The following RHOBTB2 variants were observed in gnomAD, a reference collection of about 807,000 sequenced individuals.
The protein encoded by RHOBTB2 is Rho related BTB domain containing 2, also known as rho-related BTB domain-containing protein 2.
A neutral mutation model predicts 66.5 loss-of-function variants in RHOBTB2; 39 were observed. That is an observed-to-expected ratio of 0.59 (90% CI 0.45 to 0.77). RHOBTB2 has a LOEUF of 0.77. RHOBTB2 is among the 30% of genes least tolerant of loss of function. The pLI, the probability that RHOBTB2 is intolerant of heterozygous loss-of-function variation, is 0.00. For missense variants in RHOBTB2, 755 were observed against 999.1 expected, an observed-to-expected ratio of 0.76 and a Z score of 3.29; for synonymous variants, 390 against 395.0, an observed-to-expected ratio of 0.99 and a Z score of 0.15.
chr8:22,983,318 C>A (rs1286464072), upstream of RHOBTB2, among the ~76,000 whole-genome samples: 14 of 146,660 alleles, frequency 9.5e-5, no homozygotes, highest in African/African-American at 3.0e-4. Flanking sequence ...CAGTGAAAGA[C>A]AGTTCAAACC....
At position 23,014,717 on chromosome 8, in the gene RHOBTB2, A is replaced by G; in HGVS notation, c.1799A>G (p.Glu600Gly). ...CAGTACACAGTGACCGGGCTGATGG[A>G]AGCGACCCAGATGATGGTGGACATC... Reference protein sequence around the residue: ...TEQYTVTGLMEATQMMVDIDG... With the variant: ...TEQYTVTGLMGATQMMVDIDG... Residue 600 changes from glutamate to glycine, a missense_variant, in exon 8 of 10, where the codon GAA becomes GGA. By Grantham distance (98) the Glu-to-Gly change is moderately conservative. Around this residue, in one of 7 missense-constraint regions of RHOBTB2, gnomAD observed 353 missense variants for 458.2 expected, o/e 0.77. Coordinates refer to ENST00000251822, the MANE Select transcript of RHOBTB2 (RefSeq NM_015178.3). 1 of 1,614,128 alleles carries G rather than the reference A, an allele frequency of 6.2e-7. No homozygotes were observed. Among genetic ancestry groups the G allele is most frequent in the Middle Eastern group, 1.6e-4 (1 of 6,062 alleles).
rs1272785529 is a variant in RHOBTB2 at position 23,014,101 on chromosome 8, C to A, written c.1772-589C>A. ...ACTGGGATGACTGTTGTTTCTAGGTCTTTTCTGGGGGCAGAGCTGGGAAAT... is the reference window on the plus strand; with the variant it reads ...ACTGGGATGACTGTTGTTTCTAGGTATTTTCTGGGGGCAGAGCTGGGAAAT... On this transcript the variant is annotated intron_variant, in intron 7 of 9. Coordinates refer to ENST00000251822, the MANE Select transcript of RHOBTB2 (RefSeq NM_015178.3). 2.6e-5 allele frequency among the ~76,000 whole-genome samples: 4 copies of A among 152,132 alleles called. No homozygotes were observed. The East Asian group carries it at 7.7e-4, about 29-fold the overall frequency.
chr8:23,015,571 G>A (rs913125067), intron 8 of RHOBTB2, 67 bp from the exon 9 acceptor site: 4 of 1,099,450 alleles, frequency 3.6e-6, no homozygotes, highest in Middle Eastern at 2.0e-4. Flanking sequence ...GAAGGCAGCT[G>A]GAGGTGTCTA....
the RHOBTB2 span, among the ~76,000 whole-genome samples, chr8:22,978,508 CA>C: frequency 7.0e-6 from 1 of 142,760 alleles, no homozygotes; most frequent in Non-Finnish European, 1.5e-5. Context: ...AACAAAAAAA[CA>C]AAAAAAACCC....
At chr8:22,956,543 G>A in the RHOBTB2 span, among the ~76,000 whole-genome samples, 1 of 152,068 alleles carries the variant, frequency 6.6e-6, no homozygotes, top group Non-Finnish European at 1.5e-5. Context: ...AGTCTCCAGA[G>A]GCCTCCCCAG....
At chr8:23,005,314 C>A in intron 2 of RHOBTB2, 58 bp from the exon 3 acceptor site, 1 of 1,290,152 alleles carries the variant, frequency 7.8e-7, no homozygotes, top group Non-Finnish European at 1.1e-6. Context: ...CCTGAGGTGG[C>A]ACGCAGAGGT....
At chr8:22,973,415 A>C in the RHOBTB2 span, among the ~76,000 whole-genome samples, 1 of 151,934 alleles carries the variant, frequency 6.6e-6, no homozygotes. Flanking sequence ...TTTTGTGTAG[A>C]GATGGGGTCT....
chr8:23,017,014 A>C lies in RHOBTB2; in HGVS notation c.1967-238A>C, dbSNP rs1250360283. ...CCCAACGCACAGGAAGCCCTTGTCT[A>C]GATCGCCCGTCTTTGGAAAGGAACC... On this transcript the variant is annotated intron_variant, in intron 9 of 9. Transcript: ENST00000251822. The surrounding 1 kb of genome is among the most constrained non-coding windows in gnomAD (Gnocchi z 5.3). Among the ~76,000 whole-genome samples the C allele has an allele frequency of 1.3e-5, 2 of 152,114 alleles. No individual in the cohort carries two copies. The highest frequency in any genetic ancestry group is 2.9e-5 in the Non-Finnish European group (2 of 68,030).
chr8:22,981,989 C>A, the RHOBTB2 span, among the ~76,000 whole-genome samples: 2 of 152,308 alleles, frequency 1.3e-5, no homozygotes, highest in South Asian at 4.1e-4. Flanking sequence ...ATCTTAAGGC[C>A]CTCAATGTAT....
the RHOBTB2 span, among the ~76,000 whole-genome samples, chr8:22,978,350 G>A: frequency 2.6e-5 from 4 of 151,838 alleles, no homozygotes; most frequent in Non-Finnish European, 5.9e-5. Context: ...AGCCAGGCGT[G>A]TTGGCGGGTG....
the RHOBTB2 span, among the ~76,000 whole-genome samples, chr8:22,971,625 C>A: frequency 6.6e-6 from 1 of 152,200 alleles, no homozygotes; most frequent in Non-Finnish European, 1.5e-5. Context: ...GAAGGACATG[C>A]TGCACTGCCC....
upstream of RHOBTB2, among the ~76,000 whole-genome samples, chr8:22,996,383 C>T (rs1455603176): frequency 6.6e-6 from 1 of 152,136 alleles, no homozygotes; most frequent in Non-Finnish European, 1.5e-5. Context: ...GCCAGACCCA[C>T]CAGCAGAAGC....
At chr8:22,963,781 T>C in the RHOBTB2 span, among the ~76,000 whole-genome samples, 3 of 151,372 alleles carry the variant, frequency 2.0e-5, no homozygotes, top group South Asian at 4.2e-4. Context: ...TTATTTATAT[T>C]ATTATTATTA....
rs770893421 is a variant in RHOBTB2 at position 23,010,708 on chromosome 8, G to A, written c.1771+20G>A. 91 of 1,612,664 alleles carry A rather than the reference G, an allele frequency of 5.6e-5. No individual in the cohort carries two copies. The highest frequency in any genetic ancestry group is 1.7e-4 in the Middle Eastern group (1 of 6,040). On this transcript the variant is annotated intron_variant, in intron 7 of 9. Coordinates refer to ENST00000251822, the MANE Select transcript of RHOBTB2 (RefSeq NM_015178.3). The stretch of plus-strand genomic sequence containing the variant: ...TCACAGGTAACTAAGCAGTGCACTC[G>A]GGGACCTCCCCGCGGCAGAGGCCAG...
intron 9 of RHOBTB2, among the ~76,000 whole-genome samples, chr8:23,016,783 G>A (rs1407583977): frequency 1.3e-5 from 2 of 152,130 alleles, no homozygotes; most frequent in African/African-American, 4.8e-5. Flanking sequence ...TGAAACAGTA[G>A]TCTTCCATGG....
Position 23,004,411 on chromosome 8 carries a change from C to T in RHOBTB2, c.-10-14C>T. On this transcript the variant is annotated splice_polypyrimidine_tract_variant and intron_variant, in intron 1 of 9. Coordinates refer to ENST00000251822, the MANE Select transcript of RHOBTB2 (RefSeq NM_015178.3). The surrounding 1 kb of genome is among the most constrained non-coding windows in gnomAD (Gnocchi z 6.4). ...ATGCCATGCCGTCCTGACCGCCTCCCTCCTCTCCCTCAGGTCCCGTTTAAT... is the reference window on the plus strand; with the variant it reads ...ATGCCATGCCGTCCTGACCGCCTCCTTCCTCTCCCTCAGGTCCCGTTTAAT... 6.2e-7 allele frequency: 1 copy of T among 1,612,650 alleles called. No homozygotes were observed.
At chr8:22,954,117 A>G in the RHOBTB2 span, among the ~76,000 whole-genome samples, 1 of 152,254 alleles carries the variant, frequency 6.6e-6, no homozygotes. Flanking sequence ...CAGACATAAA[A>G]TGAACACATG....
At chr8:22,962,059 G>A in the RHOBTB2 span, among the ~76,000 whole-genome samples, 1 of 151,668 alleles carries the variant, frequency 6.6e-6, no homozygotes, top group Non-Finnish European at 1.5e-5. Flanking sequence ...TACTCAGGAG[G>A]CCAAGGTGAG....
the RHOBTB2 span, among the ~76,000 whole-genome samples, chr8:22,980,715 C>T: frequency 6.6e-6 from 1 of 152,186 alleles, no homozygotes; most frequent in South Asian, 2.1e-4. Context: ...TAATGTCCAA[C>T]ACCAAGTTTT....
Sources: gnomAD v4.1 joint callset for allele counts (sites outside exome capture counted in the v4.1 genomes callset) on GRCh38, gnomAD v4.1.1 for gene constraint, gnomAD v4.1.1 regional missense constraint, Gnocchi (gnomAD v3.1) non-coding constraint, MANE v1.5 for transcripts, NCBI Gene and HGNC (gene_info 2026-07-23, HGNC 2026-07-21) for gene names.